Variants in RPS7 observed in about 807,000 individuals in gnomAD.
The protein encoded by RPS7 is small ribosomal subunit protein eS7.
In RPS7, 1 loss-of-function variant was observed where a neutral mutation model predicts 22.1. That is an observed-to-expected ratio of 0.05 (90% CI 0.02 to 0.21). RPS7 has a LOEUF of 0.21. RPS7 is among the 10% of genes least tolerant of loss of function. RPS7 has a pLI of 1.00. For missense variants in RPS7, 137 were observed against 246.4 expected (o/e 0.56, Z 2.97); for synonymous variants, 80 against 92.0 (o/e 0.87, Z 0.74).
At chr2:3,579,500 C>T (rs1661354123) in intron 5 of RPS7, 1 of 163,102 alleles carries the variant, frequency 6.1e-6, no homozygotes, top group African/African-American at 2.4e-5. Flanking sequence ...AAAGAACCGT[C>T]TCTTGACTTA....
rs767920442 is a variant in RPS7 at position 3,575,801 on chromosome 2, G to C, written c.76-16G>C. The C allele has an allele frequency of 3.1e-6, 5 of 1,611,582 alleles. No individual in the cohort carries two copies. Among genetic ancestry groups the C allele is most frequent in the South Asian group, 1.1e-5 (1 of 90,950 alleles). ...ACGCGCGCTCAGGGTCGGTCCTGCT[G>C]TTCGTTGCTTCTTAGGCTCTTCTGG... On this transcript the variant is annotated splice_polypyrimidine_tract_variant and intron_variant, in intron 2 of 6. Coordinates refer to ENST00000645674, the MANE Select transcript of RPS7 (RefSeq NM_001011.4).
At position 3,580,100 on chromosome 2, in the gene RPS7, A is replaced by G. The variant is rs202032908; in HGVS notation, c.357-10A>G. Reference sequence around the variant, plus strand: ...TGCTAGGTTGCTTACCTTTTAAACTATTCTTTTAGCCGTACTCTGACAGCT... The same window carrying G: ...TGCTAGGTTGCTTACCTTTTAAACTGTTCTTTTAGCCGTACTCTGACAGCT... On this transcript the variant is annotated splice_polypyrimidine_tract_variant and intron_variant, in intron 5 of 6. Coordinates refer to ENST00000645674, the MANE Select transcript of RPS7 (RefSeq NM_001011.4). 293 of 1,613,706 alleles carry G rather than the reference A, an allele frequency of 1.8e-4. No individual in the cohort carries two copies. The highest frequency in any genetic ancestry group is 2.3e-4 in the Non-Finnish European group (276 of 1,179,790).
chr2:3,577,962 G>T, intron 5 of RPS7, 188 bp downstream of exon 5: 1 of 599,336 alleles, frequency 1.7e-6, no homozygotes. Context: ...TATTCATGTA[G>T]CCATTGTTTG....
At chr2:3,576,035 G>A in intron 3 of RPS7, 147 bp downstream of exon 3, 1 of 706,840 alleles carries the variant, frequency 1.4e-6, no homozygotes. Flanking sequence ...TTGTTTGGGA[G>A]TGATACCGCC....
chr2:3,578,350 A>G (rs916985473), intron 5 of RPS7: 1 of 153,370 alleles, frequency 6.5e-6, no homozygotes, highest in African/African-American at 2.4e-5. Context: ...AATGTGAACT[A>G]TTAAATCCCT....
chr2:3,576,389 C>G (rs1313155634), intron 3 of RPS7, 98 bp from the exon 4 acceptor site: 7 of 1,020,042 alleles, frequency 6.9e-6, no homozygotes, highest in Non-Finnish European at 1.1e-5. Flanking sequence ...TGTAGTGCAG[C>G]TACGGTGTTA....
rs781328965 is a variant in RPS7, at chr2:3,576,555, C to G, written c.216C>G (p.Phe72Leu). The G allele has an allele frequency of 1.2e-6, 2 of 1,613,726 alleles. No homozygotes were observed. Among genetic ancestry groups the G allele is most frequent in the Non-Finnish European group, 1.7e-6 (2 of 1,179,664 alleles). Residue 72 changes from phenylalanine to leucine, a missense_variant, in exon 4 of 7, where the codon TTC (phenylalanine) becomes TTG (leucine). By Grantham distance (22) the Phe-to-Leu change is conservative. Coordinates refer to ENST00000645674, the MANE Select transcript of RPS7 (RefSeq NM_001011.4). ...IFVPVPQLKS[F>L]QKIQVRLVRE... is the part of the protein sequence containing the mutation. ...TTCCCGTTCCTCAACTGAAATCTTT[C>G]CAGAAAATCCAAGTCCGGCTAGTAC...
At chr2:3,580,535 G>A in intron 6 of RPS7, 1 of 625,668 alleles carries the variant, frequency 1.6e-6, no homozygotes, top group South Asian at 1.9e-5. Context: ...GTTAGGGGTG[G>A]GTGGTGATGG....
At chr2:3,576,725 A>G in intron 4 of RPS7, 95 bp downstream of exon 4, 1 of 1,385,418 alleles carries the variant, frequency 7.2e-7, no homozygotes, top group Non-Finnish European at 1.0e-6. Flanking sequence ...CATGAAAACA[A>G]TCCTTTTATG....
intron 3 of RPS7, 172 bp downstream of exon 3, chr2:3,576,060 G>T: frequency 3.0e-6 from 2 of 662,940 alleles, no homozygotes; most frequent in South Asian, 1.7e-5. Flanking sequence ...TGCGGGGAGT[G>T]GGGTTGCAGG....
intron 6 of RPS7, chr2:3,580,575 TGGGTGACTGCTG>T: frequency 4.8e-6 from 3 of 621,890 alleles, no homozygotes; most frequent in Non-Finnish European, 2.8e-6. Flanking sequence ...CATAACCATG[TGGGTGACTGCTG>T]GGGTCCCCTG....
At chr2:3,577,652 C>T (rs1661314251) in intron 4 of RPS7, 58 bp from the exon 5 acceptor site, 1 of 1,312,922 alleles carries the variant, frequency 7.6e-7, no homozygotes, top group East Asian at 2.3e-5. Flanking sequence ...GCAGTTACAG[C>T]TTTTTGTCAA....
At chr2:3,578,373 C>G (rs1470963086) in intron 5 of RPS7, 5 of 152,236 alleles carry the variant, frequency 3.3e-5, no homozygotes, top group African/African-American at 9.7e-5. Flanking sequence ...GGACTCTTCC[C>G]TAAGGATGAG....
chr2:3,576,816 G>A (rs575991578), intron 4 of RPS7, 186 bp downstream of exon 4: 9 of 763,740 alleles, frequency 1.2e-5, no homozygotes, highest in African/African-American at 6.9e-5. Flanking sequence ...AGGTGGAGGC[G>A]GGTGGATCAC....
intron 2 of RPS7, 49 bp downstream of exon 2, chr2:3,575,733 G>C: frequency 6.3e-7 from 1 of 1,595,822 alleles, no homozygotes; most frequent in Non-Finnish European, 8.6e-7. Context: ...GCCCCGCCCG[G>C]GAGGGGAGGC....
chr2:3,575,971 G>A, intron 3 of RPS7, 83 bp downstream of exon 3: 1 of 1,010,630 alleles, frequency 9.9e-7, no homozygotes, highest in Non-Finnish European at 1.5e-6. Flanking sequence ...CCTGGGTTAC[G>A]GTTGATGATG....
intron 5 of RPS7, 35 bp downstream of exon 5, chr2:3,577,809 C>A: frequency 7.5e-7 from 1 of 1,334,602 alleles, no homozygotes; most frequent in Non-Finnish European, 1.1e-6. Context: ...ATGTGTGTAC[C>A]CCTCTTATTA....
rs1000030248 is a variant in RPS7 at position 3,578,744 on chromosome 2, G to A, written c.356+970G>A. The A allele has an allele frequency of 4.5e-4, 69 of 152,276 alleles. 2 individuals are homozygous for A. The highest frequency in any genetic ancestry group is 1.6e-3 in the African/African-American group (66 of 41,560). 9.4% of individuals were successfully genotyped at this position (152,276 alleles called of 1,614,324 possible). ...ATCATGACACTTAAAGAGGGTTTTG[G>A]AAACTCAGTTCTGAGAACCTCAGTT... On this transcript the variant is annotated intron_variant, in intron 5 of 6. Transcript: ENST00000645674.
chr2:3,577,357 C>T (rs1191022047), intron 4 of RPS7: 3 of 237,180 alleles, frequency 1.3e-5, no homozygotes, highest in African/African-American at 2.3e-5. Flanking sequence ...AAACCTGTTA[C>T]AGTTCGGATG....
Sources: gnomAD v4.1 joint callset for allele counts on GRCh38, gnomAD v4.1.1 for gene constraint, MANE v1.5 for transcripts, NCBI Gene and HGNC (gene_info 2026-07-23, HGNC 2026-07-21) for gene names.